The following SLC44A3 variants were observed in gnomAD, a reference collection of about 807,000 sequenced individuals.
SLC44A3 encodes the protein solute carrier family 44 member 3.
Under a neutral mutation model 75.4 loss-of-function variants are expected in SLC44A3, and 74 were observed. The ratio of observed to expected loss-of-function variants is 0.98; its 90% CI spans 0.81 to 1.19. The LOEUF (loss-of-function observed/expected upper bound fraction) is 1.19. SLC44A3 is among the 50% of genes most tolerant of loss of function. SLC44A3 has a pLI of 0.00. For missense variants in SLC44A3, 700 were observed against 778.6 expected, an observed-to-expected ratio of 0.90 and a Z score of 1.20; for synonymous variants, 310 against 296.9, an observed-to-expected ratio of 1.04 and a Z score of -0.45.
chr1:94,853,193 G>A (rs150514480), intron 9 of SLC44A3, among the ~76,000 whole-genome samples: 178 of 152,292 alleles, frequency 1.2e-3, no homozygotes, highest in South Asian at 9.1e-3. Flanking sequence ...GAGAAGGGGT[G>A]GAGTGTGGGG....
intron 12 of SLC44A3, among the ~76,000 whole-genome samples, chr1:94,868,182 G>T (rs888812039): frequency 1.4e-4 from 21 of 152,128 alleles, no homozygotes; most frequent in Non-Finnish European, 3.1e-4. Context: ...GCATTTAGGA[G>T]ATTTTAATAG....
At chr1:94,844,117 G>A (rs556071002) in intron 8 of SLC44A3, among the ~76,000 whole-genome samples, 14 of 152,276 alleles carry the variant, frequency 9.2e-5, no homozygotes, top group South Asian at 6.2e-4. Flanking sequence ...AAATTCAGAC[G>A]AGAAAACATT....
chr1:94,894,824 G>GT lies in SLC44A3; in HGVS notation c.1865dup (p.Arg624LysfsTer20). The GT allele has an allele frequency of 1.2e-6, 2 of 1,609,354 alleles. No individual in the cohort carries two copies. The highest frequency in any genetic ancestry group is 1.1e-5 in the South Asian group (1 of 90,246). On this transcript the variant is annotated frameshift_variant, in exon 15 of 15. Coordinates refer to ENST00000271227, the MANE Select transcript of SLC44A3 (RefSeq NM_001114106.3). LOFTEE classifies it low-confidence loss of function (END_TRUNC). ...TTGTTCTTTTGTTTTTCAGAGTTTC[G>GT]TAAAAAGGAGCAACAAATTAAACAA...
chr1:94,832,336 C>T (rs1662235336), intron 5 of SLC44A3, among the ~76,000 whole-genome samples: 1 of 151,616 alleles, frequency 6.6e-6, no homozygotes, highest in African/African-American at 2.4e-5. Flanking sequence ...GAATTCCTTA[C>T]ATTCTGAAGT....
At chr1:94,870,898 C>T (rs532473733) in intron 12 of SLC44A3, among the ~76,000 whole-genome samples, 20 of 152,180 alleles carry the variant, frequency 1.3e-4, no homozygotes, top group Non-Finnish European at 2.4e-4. Context: ...CCAGGCTGGT[C>T]TTGAACTCCT....
intron 2 of SLC44A3, among the ~76,000 whole-genome samples, chr1:94,824,196 C>T (rs982198749): frequency 1.3e-4 from 19 of 151,408 alleles, no homozygotes; most frequent in Non-Finnish European, 2.7e-4. Flanking sequence ...TAAAGTTAGA[C>T]CAAAAAGAAA....
chr1:94,873,400 G>A (rs944225248), intron 12 of SLC44A3, among the ~76,000 whole-genome samples: 1 of 152,192 alleles, frequency 6.6e-6, no homozygotes, highest in Non-Finnish European at 1.5e-5. Flanking sequence ...CTTTCTGACT[G>A]ATGAATATAC....
At chr1:94,875,308 G>A (rs555717183) in intron 12 of SLC44A3, among the ~76,000 whole-genome samples, 1 of 152,296 alleles carries the variant, frequency 6.6e-6, no homozygotes, top group South Asian at 2.1e-4. Flanking sequence ...GGGATTTAGA[G>A]CCAGGTTTTC....
chr1:94,892,360 C>T lies in SLC44A3; in HGVS notation c.1700C>T (p.Pro567Leu), dbSNP rs1557898799. The change falls in exon 14 of 15, where the codon CCT becomes CTT. Residue 567 changes from proline to leucine, a missense_variant. Coordinates refer to ENST00000271227, the MANE Select transcript of SLC44A3 (RefSeq NM_001114106.3). ...CGGGCATTCCAGGTGTGGGCAGTCC[C>T]TCTGTTATTGGTAGCTTTTTTTGCC... Reference protein sequence around the residue: ...YNRAFQVWAVPLLLVAFFAYL... With the variant: ...YNRAFQVWAVLLLLVAFFAYL... 5 of 1,614,098 alleles carry T rather than the reference C, an allele frequency of 3.1e-6. No homozygotes were observed. Among genetic ancestry groups the T allele is most frequent in the East Asian group, 4.5e-5 (2 of 44,882 alleles).
chr1:94,856,416 G>C (rs1006437200), intron 9 of SLC44A3, among the ~76,000 whole-genome samples: 1 of 152,192 alleles, frequency 6.6e-6, no homozygotes, highest in Non-Finnish European at 1.5e-5. Context: ...ACCTGGGAAG[G>C]TTAACACTGA....
In SLC44A3 at chr1:94,833,875, G is replaced by A. The variant is rs1196605370; in HGVS notation, c.510-3836G>A. ...AATAAAAATTAAAATCAAGATGTCA[G>A]GATCTTAGGATAGTGTGTAGAGGGT... On this transcript the variant is annotated intron_variant, in intron 5 of 14. Coordinates refer to ENST00000271227, the MANE Select transcript of SLC44A3 (RefSeq NM_001114106.3). Among the ~76,000 whole-genome samples, 3 of 151,196 alleles carry A rather than the reference G, an allele frequency of 2.0e-5. No homozygotes were observed. The East Asian group carries it at 5.8e-4, about 29-fold the overall frequency.
intron 2 of SLC44A3, among the ~76,000 whole-genome samples, chr1:94,822,550 T>TCA (rs1660756161): frequency 6.6e-6 from 1 of 152,034 alleles, no homozygotes; most frequent in Non-Finnish European, 1.5e-5. Context: ...ATGTCCTGAC[T>TCA]GGTGATGGTG....
At chr1:94,872,252 C>T (rs1667837881) in intron 12 of SLC44A3, among the ~76,000 whole-genome samples, 4 of 152,056 alleles carry the variant, frequency 2.6e-5, no homozygotes, top group Admixed American at 2.6e-4. Context: ...CAGGCTTGTC[C>T]CACCACACCT....
At chr1:94,881,291 A>T (rs754146142) in intron 12 of SLC44A3, among the ~76,000 whole-genome samples, 3 of 152,150 alleles carry the variant, frequency 2.0e-5, no homozygotes, top group Non-Finnish European at 2.9e-5. Context: ...CCTGACTTGA[A>T]ATTATCTCCC....
At position 94,877,031 on chromosome 1, in the gene SLC44A3, C is replaced by T. The variant is rs112124676; in HGVS notation, c.1482+9614C>T. ...ACTAGGTGACTACCTGTCCTGGTCA[C>T]CTAGAAGCCCCATGTCTCTGGTACC... On this transcript the variant is annotated intron_variant, in intron 12 of 14. Coordinates refer to ENST00000271227, the MANE Select transcript of SLC44A3 (RefSeq NM_001114106.3). 1.7e-3 allele frequency among the ~76,000 whole-genome samples: 264 copies of T among 152,066 alleles called. 1 individual carries two copies. Among genetic ancestry groups the T allele is most frequent in the African/African-American group, 6.2e-3 (258 of 41,512 alleles).
rs373877823 is a variant in SLC44A3, at chr1:94,842,849, A to T, written c.885+725A>T. Among the ~76,000 whole-genome samples the T allele has an allele frequency of 7.2e-5, 11 of 152,354 alleles. No homozygotes were observed. In the South Asian group the frequency reaches 2.3e-3, roughly 32 times the overall value. On this transcript the variant is annotated intron_variant, in intron 8 of 14. Transcript: ENST00000271227. ...CCATTGAATCTTGCAGCAAATGCAG[A>T]TTCTCACACCAACAAAATTCTCTCA...
At chr1:94,840,603 C>T (rs1412425431) in intron 7 of SLC44A3, among the ~76,000 whole-genome samples, 1 of 152,174 alleles carries the variant, frequency 6.6e-6, no homozygotes, top group African/African-American at 2.4e-5. Context: ...TCTGTAGTTT[C>T]TTCTGCTGTG....
chr1:94,862,636 G>A (rs1017738752), intron 10 of SLC44A3, among the ~76,000 whole-genome samples: 1 of 152,156 alleles, frequency 6.6e-6, no homozygotes, highest in Admixed American at 6.5e-5. Context: ...GCTTCATGGG[G>A]CATATGCTAG....
At chr1:94,828,974 C>T (rs1166317801) in intron 5 of SLC44A3, among the ~76,000 whole-genome samples, 1 of 152,118 alleles carries the variant, frequency 6.6e-6, no homozygotes, top group African/African-American at 2.4e-5. Context: ...GGCATGGTGG[C>T]TCACACCTGC....
Sources: allele counts gnomAD v4.1 joint callset (sites outside exome capture counted in the v4.1 genomes callset), GRCh38; gene constraint gnomAD v4.1.1; transcripts MANE v1.5; gene names NCBI Gene and HGNC (gene_info 2026-07-23, HGNC 2026-07-21).